Variants in EYS observed in about 807,000 individuals in gnomAD.
The protein encoded by EYS is protein eyes shut homolog.
Under a neutral mutation model 282.1 loss-of-function variants are expected in EYS, and 250 were observed. The observed-to-expected ratio is 0.89, with a 90% CI of 0.80 to 0.98. EYS has a LOEUF of 0.98. Among genes scored for constraint, EYS ranks in the 50% least tolerant of loss-of-function variants. The probability of loss-of-function intolerance (pLI) is 0.00; values close to 1 mark genes in which losing one functional copy is unlikely to be tolerated. For synonymous variants in EYS, 1,355 were observed against 1,282.9 expected (o/e 1.06, Z -1.20); for missense variants, 4,016 against 3,709.0 (o/e 1.08, Z -2.15).
chr6:64,135,577 G>A (rs1233771579), intron 31 of EYS, among the ~76,000 whole-genome samples: 2 of 151,960 alleles, frequency 1.3e-5, no homozygotes, highest in African/African-American at 4.8e-5. Context: ...CTTGGGTGTA[G>A]GTGAAACTGA....
At chr6:64,474,201 A>AC (rs1776200600) in intron 26 of EYS, among the ~76,000 whole-genome samples, 1 of 152,130 alleles carries the variant, frequency 6.6e-6, no homozygotes, top group Admixed American at 6.6e-5. Context: ...TAATAAACTT[A>AC]TTTTTGTTCA....
chr6:64,109,975 G>A (rs1478779978), intron 31 of EYS, among the ~76,000 whole-genome samples: 1 of 152,038 alleles, frequency 6.6e-6, no homozygotes, highest in Non-Finnish European at 1.5e-5. Flanking sequence ...TGGGATAGAA[G>A]AGTGCTTCCA....
intron 26 of EYS, among the ~76,000 whole-genome samples, chr6:64,541,317 G>C (rs1764690220): frequency 6.6e-6 from 1 of 152,122 alleles, no homozygotes; most frequent in Non-Finnish European, 1.5e-5. Flanking sequence ...TTTCAAGAAA[G>C]ATATCTGTTT....
chr6:64,126,518 T>G (rs766105731), intron 31 of EYS, among the ~76,000 whole-genome samples: 52 of 152,006 alleles, frequency 3.4e-4, no homozygotes, highest in Non-Finnish European at 5.6e-4. Flanking sequence ...CTTACTAATT[T>G]GTTGGCATTT....
chr6:65,402,176 T>C (rs1231870486), intron 7 of EYS, among the ~76,000 whole-genome samples: 1 of 151,782 alleles, frequency 6.6e-6, no homozygotes, highest in Non-Finnish European at 1.5e-5. Flanking sequence ...TCTCTTTTCT[T>C]TCTAGATCTT....
intron 2 of EYS, among the ~76,000 whole-genome samples, chr6:65,591,152 T>C (rs1374729415): frequency 6.6e-6 from 1 of 151,834 alleles, no homozygotes; most frequent in Non-Finnish European, 1.5e-5. Flanking sequence ...TGTTATTTTT[T>C]GTCTTTTGAT....
chr6:63,835,524 T>C (rs1277296302), intron 36 of EYS, among the ~76,000 whole-genome samples: 1 of 152,050 alleles, frequency 6.6e-6, no homozygotes, highest in African/African-American at 2.4e-5. Flanking sequence ...ATGTGGGAAC[T>C]AAGTTATGAA....
intron 12 of EYS, among the ~76,000 whole-genome samples, chr6:65,246,624 C>G (rs140576852): frequency 1.8e-3 from 275 of 152,124 alleles, no homozygotes; most frequent in African/African-American, 6.4e-3. Context: ...TTTAATATAT[C>G]CTCCCATTTG....
intron 33 of EYS, among the ~76,000 whole-genome samples, chr6:64,000,724 T>C (rs1323764889): frequency 6.6e-6 from 1 of 152,164 alleles, no homozygotes; most frequent in Admixed American, 6.5e-5. Flanking sequence ...TGTGGGCTGG[T>C]TCCTTCTCCT....
chr6:64,122,316 G>C (rs962103597), intron 31 of EYS, among the ~76,000 whole-genome samples: 5 of 152,032 alleles, frequency 3.3e-5, no homozygotes, highest in African/African-American at 1.2e-4. Context: ...ATCTTCCCTG[G>C]AAGAATACTG....
intron 11 of EYS, chr6:65,331,190 A>T: frequency 1.2e-6 from 1 of 828,528 alleles, no homozygotes; most frequent in Non-Finnish European, 1.5e-6. Flanking sequence ...AATAACTTGC[A>T]ATATTTTTAC....
chr6:64,332,413 C>A (rs1327489651), intron 29 of EYS, among the ~76,000 whole-genome samples: 1 of 152,184 alleles, frequency 6.6e-6, no homozygotes, highest in Non-Finnish European at 1.5e-5. Context: ...TGCAGTATAT[C>A]CCTTCCAACC....
At chr6:64,887,940 T>C (rs1355766301) in intron 18 of EYS, among the ~76,000 whole-genome samples, 2 of 151,752 alleles carry the variant, frequency 1.3e-5, no homozygotes, top group African/African-American at 2.4e-5. Context: ...AAATTCTGAA[T>C]ATGAATGAAA....
At chr6:64,987,146 C>G (rs907709107) in intron 14 of EYS, among the ~76,000 whole-genome samples, 3 of 151,436 alleles carry the variant, frequency 2.0e-5, no homozygotes, top group African/African-American at 7.3e-5. Context: ...TGGCGACAAG[C>G]AGCTTTTACT....
At chr6:64,235,812 GA>G (rs1289658666) in intron 30 of EYS, among the ~76,000 whole-genome samples, 1 of 152,140 alleles carries the variant, frequency 6.6e-6, no homozygotes, top group Non-Finnish European at 1.5e-5. Flanking sequence ...AACAGGCTCT[GA>G]AATTGTGGCA....
intron 33 of EYS, among the ~76,000 whole-genome samples, chr6:64,057,931 A>G (rs1771040009): frequency 6.6e-6 from 1 of 152,184 alleles, no homozygotes; most frequent in Non-Finnish European, 1.5e-5. Context: ...TCCCAGGCTC[A>G]GATGATCCTC....
intron 22 of EYS, among the ~76,000 whole-genome samples, chr6:64,766,650 ATATATATATATATAT>A (rs1437069099): frequency 0.14 from 3,901 of 27,642 alleles, 620 homozygotes; most frequent in Middle Eastern, 0.19. Flanking sequence ...AAAAAAAAAA[ATATATATATATATAT>A]ATATATATAT....
intron 4 of EYS, among the ~76,000 whole-genome samples, chr6:65,493,771 A>G (rs973563896): frequency 6.6e-6 from 1 of 152,148 alleles, no homozygotes; most frequent in African/African-American, 2.4e-5. Flanking sequence ...TGAGCTTATT[A>G]CAACCGTTAT....
chr6:65,441,869 A>G (rs1277571626), intron 5 of EYS, among the ~76,000 whole-genome samples: 1 of 152,080 alleles, frequency 6.6e-6, no homozygotes, highest in Non-Finnish European at 1.5e-5. Context: ...CTGCTCAGAC[A>G]TATCAAGGAA....
Sources: allele counts gnomAD v4.1 joint callset (sites outside exome capture counted in the v4.1 genomes callset), GRCh38; gene constraint gnomAD v4.1.1; transcripts MANE v1.5; gene names NCBI Gene and HGNC (gene_info 2026-07-23, HGNC 2026-07-21).